Variants in DNAI4 observed in about 807,000 individuals in gnomAD.
The protein encoded by DNAI4 is WD repeat domain 78.
Under a neutral mutation model 105.8 loss-of-function variants are expected in DNAI4, and 85 were observed. The ratio of observed to expected loss-of-function variants is 0.80; its 90% confidence interval spans 0.67 to 0.96. The LOEUF (loss-of-function observed/expected upper bound fraction) is 0.96, where lower values mean the gene tolerates loss of function less well. DNAI4 is among the 40% of genes least tolerant of loss of function. The pLI, the probability that DNAI4 is intolerant of heterozygous loss-of-function variation, is 0.00. For synonymous variants in DNAI4, 352 were observed against 331.5 expected, an observed-to-expected ratio of 1.06 and a Z score of -0.67; for missense variants, 1,014 against 1,005.6, an observed-to-expected ratio of 1.01 and a Z score of -0.11.
In DNAI4 at chr1:66,813,595, CA is replaced by C. The variant is rs1645456458; in HGVS notation, c.*534del. 6.6e-6 allele frequency: 1 copy of C among 152,168 alleles called. No homozygotes were observed. Among genetic ancestry groups the C allele is most frequent in the South Asian group, 2.1e-4 (1 of 4,826 alleles). The allele number at this position is 152,168 out of a possible 1,614,324, so 9.4% of individuals were successfully genotyped here. On this transcript the variant is annotated 3_prime_UTR_variant, in exon 17 of 17. Transcript: ENST00000371026. ...ATTTACTGTCATATATTTTGCTTGC[CA>C]AATAGTCTAACAAAGTTCTATAGCT...
chr1:66,888,250 C>A (rs1647309728), intron 4 of DNAI4, among the ~76,000 whole-genome samples: 1 of 151,958 alleles, frequency 6.6e-6, no homozygotes, highest in African/African-American at 2.4e-5. Flanking sequence ...AATTGAGACA[C>A]AACTATGGGA....
At chr1:66,855,441 A>C (rs564234619) in intron 7 of DNAI4, among the ~76,000 whole-genome samples, 2 of 152,372 alleles carry the variant, frequency 1.3e-5, no homozygotes, top group African/African-American at 2.4e-5. Context: ...CCTCAATAAG[A>C]ACAAAACCTA....
At chr1:66,923,878 CACAGCTGTGTGCTTTTCT>C (rs1413481416) in intron 1 of DNAI4, among the ~76,000 whole-genome samples, 1 of 152,206 alleles carries the variant, frequency 6.6e-6, no homozygotes, top group African/African-American at 2.4e-5. Flanking sequence ...GACAAGTCCA[CACAGCTGTGTGCTTTTCT>C]ACAGTCTTGT....
At chr1:66,858,340 T>C (rs1250989940) in intron 7 of DNAI4, among the ~76,000 whole-genome samples, 1 of 150,884 alleles carries the variant, frequency 6.6e-6, no homozygotes, top group African/African-American at 2.4e-5. Context: ...CCATCCCAGC[T>C]AACATAGTGA....
At chr1:66,822,769 C>T (rs562994817) in intron 15 of DNAI4, among the ~76,000 whole-genome samples, 42 of 152,224 alleles carry the variant, frequency 2.8e-4, no homozygotes, top group African/African-American at 1.0e-3. Flanking sequence ...ATTTAAACTT[C>T]TGTGATGGTT....
chr1:66,895,625 TA>T (rs1648260462), intron 2 of DNAI4, among the ~76,000 whole-genome samples: 3 of 152,204 alleles, frequency 2.0e-5, no homozygotes, highest in Non-Finnish European at 4.4e-5. Flanking sequence ...TTATGTTGAA[TA>T]AAAGGGGGCT....
intron 1 of DNAI4, among the ~76,000 whole-genome samples, chr1:66,922,418 AGT>A (rs1209941288): frequency 3.3e-5 from 5 of 152,204 alleles, no homozygotes; most frequent in African/African-American, 7.2e-5. Context: ...GGGGGAATAT[AGT>A]GTGTCTGATG....
rs763182990 is a variant in DNAI4 at position 66,833,641 on chromosome 1, C to T, written c.1957G>A (p.Asp653Asn). 6.2e-7 allele frequency: 1 copy of T among 1,613,050 alleles called. No individual in the cohort carries two copies. The highest frequency in any genetic ancestry group is 1.1e-5 in the South Asian group (1 of 91,028). ...NKKGGEKEKK[D>N]EALISRQAPG... The stretch of plus-strand genomic sequence containing the variant: ...GCCTGTCGAGATATCAAAGCTTCAT[C>T]TTTCTTTTCCTTTTCCCCTCCTTTT... Residue 653 changes from aspartate to asparagine, a missense_variant, in exon 13 of 17, where the codon GAT (aspartate) becomes AAT (asparagine). Asp to Asn is a conservative substitution (Grantham distance 23). Transcript: ENST00000371026.
intron 4 of DNAI4, among the ~76,000 whole-genome samples, chr1:66,876,668 T>C (rs1646965468): frequency 6.6e-6 from 1 of 152,184 alleles, no homozygotes; most frequent in Non-Finnish European, 1.5e-5. Flanking sequence ...TCTTTACCTA[T>C]AGAATCTGCC....
rs115485208 is a variant in DNAI4, at chr1:66,831,082, T to C, written c.2013+2503A>G. Among the ~76,000 whole-genome samples, 290 of 150,028 alleles carry C rather than the reference T, an allele frequency of 1.9e-3. 1 individual carries two copies. The highest frequency in any genetic ancestry group is 6.7e-3 in the African/African-American group (276 of 41,044). On this transcript the variant is annotated intron_variant, in intron 13 of 16. Coordinates refer to ENST00000371026, the MANE Select transcript of DNAI4 (RefSeq NM_024763.5). ...AATAGATTCCACAACTTCAATAAAA[T>C]AGACAAATTCCTTAAAAGACAGAAA...
At chr1:66,900,308 T>A (rs917201789) in intron 2 of DNAI4, among the ~76,000 whole-genome samples, 4 of 152,042 alleles carry the variant, frequency 2.6e-5, no homozygotes, top group Non-Finnish European at 5.9e-5. Flanking sequence ...ACCATGTTGT[T>A]CAGGGTGGTC....
intron 11 of DNAI4, among the ~76,000 whole-genome samples, chr1:66,835,332 A>C (rs1645961914): frequency 6.6e-6 from 1 of 152,220 alleles, no homozygotes; most frequent in South Asian, 2.1e-4. Context: ...CACAAAAGAA[A>C]GGAATGGGAA....
chr1:66,896,076 T>A (rs1002298370), intron 2 of DNAI4, among the ~76,000 whole-genome samples: 3 of 152,136 alleles, frequency 2.0e-5, no homozygotes, highest in Admixed American at 2.0e-4. Flanking sequence ...ATAAAATGAG[T>A]TTTGGAGTAT....
intron 13 of DNAI4, chr1:66,828,281 A>C (rs1368301198): frequency 6.5e-6 from 1 of 153,606 alleles, no homozygotes; most frequent in Non-Finnish European, 1.4e-5. Context: ...CATTACAACT[A>C]TTCCAAGAAA....
chr1:66,854,568 G>T (rs1646461759), intron 7 of DNAI4, among the ~76,000 whole-genome samples: 1 of 152,186 alleles, frequency 6.6e-6, no homozygotes, highest in Non-Finnish European at 1.5e-5. Context: ...CTGGGAGGCG[G>T]AGGCAGGCAG....
At chr1:66,873,238 C>CT (rs754563033) in intron 5 of DNAI4, among the ~76,000 whole-genome samples, 93 of 139,566 alleles carry the variant, frequency 6.7e-4, no homozygotes, top group Middle Eastern at 3.8e-3. Context: ...CTTCTTCTTC[C>CT]TTTTTTTTTT....
intron 5 of DNAI4, among the ~76,000 whole-genome samples, chr1:66,872,326 T>C (rs938177532): frequency 6.6e-6 from 1 of 152,092 alleles, no homozygotes; most frequent in African/African-American, 2.4e-5. Flanking sequence ...CCTCTCAGGT[T>C]CAAGTGATTC....
At position 66,905,336 on chromosome 1, in the gene DNAI4, A is replaced by C; in HGVS notation, c.210T>G (p.Phe70Leu). Residue 70 changes from phenylalanine to leucine, a missense_variant, in exon 2 of 17, where the codon TTT (phenylalanine) becomes TTG (leucine). Phe to Leu is a conservative substitution (Grantham distance 22). Transcript: ENST00000371026. ...TCACTGAAGTTGCTTTCATTGTAGC[A>C]AAAAAGCTAATAGACTTCTTTGGTT... is the stretch of plus-strand genomic sequence containing the variant. ...ATQPKKSISF[F>L]ATMKATSVKG... is the part of the protein sequence containing the mutation. 6.6e-7 allele frequency: 1 copy of C among 1,526,118 alleles called. No homozygotes were observed. Among genetic ancestry groups the C allele is most frequent in the South Asian group, 1.3e-5 (1 of 75,884 alleles). 94.5% of individuals were successfully genotyped at this position (1,526,118 alleles called of 1,614,324 possible). A position where few individuals can be genotyped will look rare whatever the true frequency, so the allele number is the denominator to read the frequency against.
intron 1 of DNAI4, among the ~76,000 whole-genome samples, chr1:66,923,422 A>G (rs1650710622): frequency 6.6e-6 from 1 of 152,244 alleles, no homozygotes. Flanking sequence ...TCGATGCATG[A>G]CTGTATTTAG....
Sources: allele counts gnomAD v4.1 joint callset (sites outside exome capture counted in the v4.1 genomes callset), GRCh38; gene constraint gnomAD v4.1.1; transcripts MANE v1.5; gene names NCBI Gene and HGNC (gene_info 2026-07-23, HGNC 2026-07-21).